FHIT: variants seen among roughly 807,000 people sequenced by gnomAD.
The protein encoded by FHIT is bis(5'-adenosyl)-triphosphatase.
Under a neutral mutation model 17.9 loss-of-function variants are expected in FHIT, and 19 were observed. The ratio of observed to expected loss-of-function variants is 1.06; its 90% CI spans 0.74 to 1.56. The LOEUF is 1.56. FHIT is among the 40% of genes most tolerant of loss of function. The probability of loss-of-function intolerance (pLI) is 0.00; values close to 1 mark genes in which losing one functional copy is unlikely to be tolerated. For missense variants in FHIT, 248 were observed against 189.2 expected (o/e 1.31, Z -1.82); for synonymous variants, 81 against 69.7 (o/e 1.16, Z -0.81).
At chr3:60,903,531 A>G (rs1287743477) in intron 3 of FHIT, among the ~76,000 whole-genome samples, 1 of 152,230 alleles carries the variant, frequency 6.6e-6, no homozygotes, top group Non-Finnish European at 1.5e-5. Context: ...CACTTTGGAA[A>G]TTAAAATTCA....
chr3:60,292,085 G>A (rs1708009665), intron 5 of FHIT, among the ~76,000 whole-genome samples: 1 of 152,060 alleles, frequency 6.6e-6, no homozygotes. Context: ...AACTAGACGT[G>A]AGAGCCACCA....
At chr3:59,847,913 C>T (rs1213263687) in intron 8 of FHIT, among the ~76,000 whole-genome samples, 3 of 152,084 alleles carry the variant, frequency 2.0e-5, no homozygotes, top group Non-Finnish European at 4.4e-5. Flanking sequence ...TTTTCAATAT[C>T]TGGGTCCCAA....
intron 2 of FHIT, among the ~76,000 whole-genome samples, chr3:61,194,912 A>C (rs1409268352): frequency 1.3e-5 from 2 of 151,552 alleles, no homozygotes; most frequent in East Asian, 3.9e-4. Flanking sequence ...AAATAATTTC[A>C]CACCTAGGGA....
At chr3:59,965,621 G>T (rs1559504226) in intron 7 of FHIT, among the ~76,000 whole-genome samples, 1 of 152,132 alleles carries the variant, frequency 6.6e-6, no homozygotes, top group Admixed American at 6.5e-5. Context: ...GACCTTGCCA[G>T]TTCTAACCTA....
At chr3:60,127,680 T>C (rs768420601) in intron 5 of FHIT, among the ~76,000 whole-genome samples, 1 of 152,152 alleles carries the variant, frequency 6.6e-6, no homozygotes. Context: ...AGGCCCACTG[T>C]AGCCTCCACC....
intron 3 of FHIT, among the ~76,000 whole-genome samples, chr3:60,906,658 C>G (rs2107248671): frequency 6.6e-6 from 1 of 152,274 alleles, no homozygotes; most frequent in South Asian, 2.1e-4. Flanking sequence ...GAACTAGCAT[C>G]AGGGGATCCC....
At chr3:59,855,561 G>A (rs1702120083) in intron 8 of FHIT, among the ~76,000 whole-genome samples, 1 of 152,042 alleles carries the variant, frequency 6.6e-6, no homozygotes, top group African/African-American at 2.4e-5. Context: ...ATAATGAAAT[G>A]CTACATATTA....
intron 8 of FHIT, among the ~76,000 whole-genome samples, chr3:59,769,881 C>T (rs1434545506): frequency 6.6e-6 from 1 of 152,100 alleles, no homozygotes; most frequent in East Asian, 1.9e-4. Flanking sequence ...TGTATTTTTA[C>T]ACACACAAAT....
chr3:60,400,822 T>C (rs144376056), intron 5 of FHIT, among the ~76,000 whole-genome samples: 89 of 152,270 alleles, frequency 5.8e-4, no homozygotes, highest in African/African-American at 2.1e-3. Flanking sequence ...TGAGAGGATT[T>C]TGTTAGTCTA....
chr3:60,624,701 C>T (rs1342782658), intron 4 of FHIT, among the ~76,000 whole-genome samples: 1 of 152,024 alleles, frequency 6.6e-6, no homozygotes, highest in Non-Finnish European at 1.5e-5. Flanking sequence ...TAGGCCTGAC[C>T]CTCTGGCTGT....
At chr3:59,850,872 CA>C (rs1452620159) in intron 8 of FHIT, among the ~76,000 whole-genome samples, 1 of 152,204 alleles carries the variant, frequency 6.6e-6, no homozygotes. Context: ...GTGATCCTGG[CA>C]ACCTAAAAGC....
intron 8 of FHIT, among the ~76,000 whole-genome samples, chr3:59,824,470 C>T (rs1700907364): frequency 6.6e-6 from 1 of 152,218 alleles, no homozygotes; most frequent in Non-Finnish European, 1.5e-5. Context: ...CAATACATGT[C>T]TGTTATAATA....
chr3:60,145,297 C>T (rs1005836956), intron 5 of FHIT, among the ~76,000 whole-genome samples: 3 of 152,126 alleles, frequency 2.0e-5, no homozygotes, highest in African/African-American at 7.2e-5. Context: ...AAAGAGATAA[C>T]AGATTCTGCA....
At chr3:59,815,186 G>GT (rs1201064245) in intron 8 of FHIT, among the ~76,000 whole-genome samples, 2 of 152,004 alleles carry the variant, frequency 1.3e-5, no homozygotes, top group Admixed American at 6.6e-5. Flanking sequence ...TCTGTTTTTT[G>GT]TTTTTTTAAC....
chr3:61,039,539 T>C (rs748466803), intron 3 of FHIT, among the ~76,000 whole-genome samples: 2 of 152,158 alleles, frequency 1.3e-5, no homozygotes, highest in Non-Finnish European at 2.9e-5. Context: ...AAGGATGACT[T>C]CATGTCCTTT....
chr3:59,961,817 T>C (rs1247811250), intron 7 of FHIT, among the ~76,000 whole-genome samples: 3 of 152,314 alleles, frequency 2.0e-5, no homozygotes, highest in East Asian at 1.9e-4. Flanking sequence ...GCCTTCTGCA[T>C]TGATCTCGCT....
At chr3:59,956,849 T>A (rs1190869252) in intron 7 of FHIT, among the ~76,000 whole-genome samples, 1 of 152,116 alleles carries the variant, frequency 6.6e-6, no homozygotes, top group Non-Finnish European at 1.5e-5. Context: ...TTGTCAAAAA[T>A]CCCTATCATC....
chr3:60,622,046 T>TC (rs1457831234), intron 4 of FHIT, among the ~76,000 whole-genome samples: 1 of 152,084 alleles, frequency 6.6e-6, no homozygotes, highest in Non-Finnish European at 1.5e-5. Flanking sequence ...GGAATTGTTA[T>TC]CCCCATCTTA....
intron 4 of FHIT, among the ~76,000 whole-genome samples, chr3:60,723,454 T>TAAA (rs2041852990): frequency 6.6e-6 from 1 of 152,194 alleles, no homozygotes; most frequent in Non-Finnish European, 1.5e-5. Context: ...ACACCTGCTT[T>TAAA]CCTTCTGGGA....
Sources: gnomAD v4.1 joint callset for allele counts (sites outside exome capture counted in the v4.1 genomes callset) on GRCh38, gnomAD v4.1.1 for gene constraint, MANE v1.5 for transcripts, NCBI Gene and HGNC (gene_info 2026-07-23, HGNC 2026-07-21) for gene names.